PUDP: variants seen among roughly 807,000 people sequenced by gnomAD.
The protein encoded by PUDP is pseudouridine 5'-phosphatase.
A neutral mutation model predicts 9.4 loss-of-function variants in PUDP; 8 were observed. The observed-to-expected ratio is 0.85, with a 90% CI of 0.50 to 1.53. The LOEUF (loss-of-function observed/expected upper bound fraction) is 1.53. PUDP is among the 40% of genes most tolerant of loss of function. PUDP has a pLI of 0.00. For synonymous variants in PUDP, 99 were observed against 80.7 expected, an observed-to-expected ratio of 1.23 and a Z score of -1.22; for missense variants, 188 against 189.7, an observed-to-expected ratio of 0.99 and a Z score of 0.05.
chrX:7,041,872 T>C (rs1929926986), intron 1 of PUDP, among the ~76,000 whole-genome samples: 1 of 106,572 alleles, frequency 9.4e-6, no homozygotes, highest in African/African-American at 3.4e-5. Context: ...TCTCTCTTTT[T>C]TTTTTTTTTG....
intron 1 of PUDP, among the ~76,000 whole-genome samples, chrX:7,028,569 G>A (rs919910452): frequency 2.7e-5 from 3 of 111,102 alleles, no homozygotes; most frequent in African/African-American, 6.5e-5. Context: ...CAAGGGAAGC[G>A]GTACCAGAGA....
chrX:6,775,151 G>A (rs6639666), intron 3 of PUDP, among the ~76,000 whole-genome samples: 53,362 of 110,293 alleles, frequency 0.48, 9,678 homozygotes, highest in Middle Eastern at 0.59. Flanking sequence ...TTTACTTTCC[G>A]TGTCTATGGC....
chrX:6,926,962 C>T (rs942317761), intron 3 of PUDP, among the ~76,000 whole-genome samples: 1 of 87,448 alleles, frequency 1.1e-5, no homozygotes, highest in Non-Finnish European at 2.1e-5. Flanking sequence ...GTGTCTCACT[C>T]TGTCCCCCAG....
upstream of PUDP, among the ~76,000 whole-genome samples, chrX:6,722,330 A>G (rs1007296673): frequency 9.1e-6 from 1 of 109,646 alleles, no homozygotes; most frequent in African/African-American, 3.3e-5. Context: ...CTGTAATCCC[A>G]GGTACTAAGG....
intron 3 of PUDP, among the ~76,000 whole-genome samples, chrX:6,857,968 G>A (rs1388739588): frequency 8.9e-6 from 1 of 111,875 alleles, no homozygotes; most frequent in East Asian, 2.8e-4. Flanking sequence ...TTATGGTAAT[G>A]AGGTGACTCA....
At chrX:7,111,620 G>A (rs1026213268) in intron 1 of PUDP, among the ~76,000 whole-genome samples, 4 of 111,007 alleles carry the variant, frequency 3.6e-5, no homozygotes, top group Admixed American at 9.6e-5. Flanking sequence ...CTTTCTAGCC[G>A]GAAACTCTGG....
intron 3 of PUDP, among the ~76,000 whole-genome samples, chrX:6,929,398 C>T (rs1182993476): frequency 8.9e-6 from 1 of 112,255 alleles, no homozygotes; most frequent in East Asian, 2.8e-4. Context: ...ATGGGACAAC[C>T]GGAAGCAAGG....
At chrX:7,013,672 C>A (rs762215605) in intron 1 of PUDP, among the ~76,000 whole-genome samples, 2 of 111,982 alleles carry the variant, frequency 1.8e-5, no homozygotes, top group Non-Finnish European at 3.8e-5. Flanking sequence ...GTGGCTCGCC[C>A]GCTTGGTCGC....
rs1394603745 is a variant in PUDP at position 6,974,342 on chromosome X, C to T, written c.*247+2791G>A. 5.4e-5 allele frequency among the ~76,000 whole-genome samples: 6 copies of T among 112,005 alleles called. No homozygotes were observed. In the East Asian group the frequency reaches 1.7e-3, roughly 31 times the overall value. ...TTACAATTTGCTGTTTTTGCAGTGG[C>T]TGGTACTGGTTTTTCCTTTCCATAT... On this transcript the variant is annotated intron_variant and NMD_transcript_variant, in intron 3 of 3. Transcript: ENST00000655425.
In PUDP at chrX:7,059,901, G is replaced by T. The variant is rs527483766; in HGVS notation, c.511-9429C>A. On this transcript the variant is annotated intron_variant, in intron 3 of 3. Coordinates refer to ENST00000381077, the MANE Select transcript of PUDP (RefSeq NM_012080.5). ...TCATCTCCAAATGTGCCATGTAGAA[G>T]AAGCTGCCATTTATAATGGGAACTG... Among the ~76,000 whole-genome samples the T allele has an allele frequency of 2.6e-4, 29 of 112,254 alleles. No individual in the cohort carries two copies. The South Asian group carries it at 0.01, about 39-fold the overall frequency.
chrX:6,720,275 TATATATATATATAC>T (rs1337368591), intron 1 of PUDP, among the ~76,000 whole-genome samples: 36 of 88,344 alleles, frequency 4.1e-4, no homozygotes, highest in Admixed American at 7.5e-4. Flanking sequence ...TATATATATA[TATATATATATATAC>T]ACACACACAC....
chrX:6,889,517 C>T (rs986687470), intron 3 of PUDP, among the ~76,000 whole-genome samples: 1 of 111,411 alleles, frequency 9.0e-6, no homozygotes, highest in Non-Finnish European at 1.9e-5. Context: ...GATCATTATG[C>T]CTTTGAAATT....
At chrX:7,030,695 T>G (rs1329573042) in intron 1 of PUDP, among the ~76,000 whole-genome samples, 1 of 111,162 alleles carries the variant, frequency 9.0e-6, no homozygotes, top group African/African-American at 3.3e-5. Flanking sequence ...CCCTTCCTCA[T>G]ATGCAAGAGG....
intron 3 of PUDP, among the ~76,000 whole-genome samples, chrX:7,055,892 C>G (rs949543458): frequency 2.7e-5 from 3 of 111,783 alleles, no homozygotes; most frequent in Non-Finnish European, 5.6e-5. Flanking sequence ...ACACAGTTTC[C>G]GTCTGCCACA....
At chrX:6,912,531 G>A (rs775993286) in intron 3 of PUDP, among the ~76,000 whole-genome samples, 3 of 111,674 alleles carry the variant, frequency 2.7e-5, no homozygotes, top group East Asian at 5.6e-4. Flanking sequence ...TTTTCTCCTT[G>A]AGTCTACATT....
At chrX:7,141,719 G>A (rs767644732) in intron 1 of PUDP, among the ~76,000 whole-genome samples, 1 of 106,032 alleles carries the variant, frequency 9.4e-6, no homozygotes, top group Non-Finnish European at 1.9e-5. Flanking sequence ...AGCTAGAGAG[G>A]AGAAGTCAGT....
At chrX:6,752,503 A>C (rs1373431854) in intron 3 of PUDP, among the ~76,000 whole-genome samples, 1 of 111,903 alleles carries the variant, frequency 8.9e-6, no homozygotes, top group Admixed American at 9.5e-5. Context: ...TGGAGGATTT[A>C]TTAATAACTA....
At chrX:6,714,128 G>C (rs184195038) in intron 1 of PUDP, among the ~76,000 whole-genome samples, 25 of 111,593 alleles carry the variant, frequency 2.2e-4, no homozygotes, top group Admixed American at 2.1e-3. Flanking sequence ...CTTGATTCAA[G>C]TGATCATCTC....
intron 3 of PUDP, among the ~76,000 whole-genome samples, chrX:6,916,245 C>T (rs1357301042): frequency 1.2e-5 from 1 of 85,921 alleles, no homozygotes; most frequent in African/African-American, 5.5e-5. Context: ...CACACACACA[C>T]ACACCCTGGG....
Sources: gnomAD v4.1 joint callset for allele counts (sites outside exome capture counted in the v4.1 genomes callset) on GRCh38, gnomAD v4.1.1 for gene constraint, MANE v1.5 for transcripts, NCBI Gene and HGNC (gene_info 2026-07-23, HGNC 2026-07-21) for gene names.